Variants in FAM168A observed in about 807,000 individuals in gnomAD.
FAM168A encodes protein FAM168A.
FAM168A carries 3 observed loss-of-function variants against 28.5 expected under a neutral mutation model. That is an observed-to-expected ratio of 0.11 (90% CI 0.05 to 0.27). The LOEUF is 0.27. Ranked by LOEUF, FAM168A falls within the 10% of genes least tolerant of loss-of-function variation. The pLI is 1.00. For missense variants in FAM168A, 222 were observed against 311.5 expected (o/e 0.71, Z 2.16); for synonymous variants, 122 against 124.2 (o/e 0.98, Z 0.12).
At chr11:73,521,562 T>C (rs1943377827) in intron 1 of FAM168A, among the ~76,000 whole-genome samples, 1 of 152,228 alleles carries the variant, frequency 6.6e-6, no homozygotes, top group South Asian at 2.1e-4. Context: ...AGGGGATAAC[T>C]GCTCCTAATT....
intron 1 of FAM168A, among the ~76,000 whole-genome samples, chr11:73,549,544 TA>T (rs1353914159): frequency 6.6e-6 from 1 of 152,186 alleles, no homozygotes; most frequent in Non-Finnish European, 1.5e-5. Context: ...GCGCTATGTC[TA>T]AATTCTGTGT....
At chr11:73,497,798 T>C (rs551478806) in intron 1 of FAM168A, among the ~76,000 whole-genome samples, 2 of 152,136 alleles carry the variant, frequency 1.3e-5, no homozygotes, top group South Asian at 4.2e-4. Flanking sequence ...AAATACCTAA[T>C]GTAAATGACA....
intron 3 of FAM168A, 43 bp downstream of exon 3, chr11:73,430,647 C>G (rs1041005724): frequency 1.1e-5 from 17 of 1,562,412 alleles, no homozygotes; most frequent in Middle Eastern, 1.9e-4. Flanking sequence ...ATAGAGTCCC[C>G]CTTCCCACTC....
chr11:73,430,318 G>A (rs1216726580), intron 3 of FAM168A: 1 of 282,814 alleles, frequency 3.5e-6, no homozygotes, highest in East Asian at 1.1e-4. Flanking sequence ...AGGGGTGTGT[G>A]GGTGTGTGTG....
At chr11:73,567,716 G>C (rs1043452552) in intron 1 of FAM168A, among the ~76,000 whole-genome samples, 3 of 152,046 alleles carry the variant, frequency 2.0e-5, no homozygotes, top group African/African-American at 4.8e-5. Context: ...TTGACATATA[G>C]CTCACTTTTT....
chr11:73,429,274 A>G (rs1866942398), intron 3 of FAM168A, among the ~76,000 whole-genome samples: 1 of 152,202 alleles, frequency 6.6e-6, no homozygotes, highest in Non-Finnish European at 1.5e-5. Context: ...GAGATCTGCC[A>G]AAGATTCTAG....
At chr11:73,544,326 G>A (rs942291432) in intron 1 of FAM168A, among the ~76,000 whole-genome samples, 8 of 152,104 alleles carry the variant, frequency 5.3e-5, no homozygotes, top group African/African-American at 9.7e-5. Flanking sequence ...TTCATACACT[G>A]TTGGTAGGAA....
chr11:73,431,316 T>C (rs1156865487), intron 2 of FAM168A, among the ~76,000 whole-genome samples: 1 of 152,096 alleles, frequency 6.6e-6, no homozygotes, highest in Non-Finnish European at 1.5e-5. Context: ...CACTCTAGCC[T>C]GGGCGACAGA....
intron 1 of FAM168A, among the ~76,000 whole-genome samples, chr11:73,527,348 T>C (rs1379977155): frequency 6.6e-6 from 1 of 152,184 alleles, no homozygotes; most frequent in African/African-American, 2.4e-5. Flanking sequence ...TGAGTATGTA[T>C]TAAGCCCTGA....
At chr11:73,457,746 A>AAAAAAAAAAAG (rs1555022721) in intron 2 of FAM168A, among the ~76,000 whole-genome samples, 83 of 138,364 alleles carry the variant, frequency 6.0e-4, no homozygotes, top group African/African-American at 2.4e-3. Context: ...AAAAAAAAAA[A>AAAAAAAAAAAG]AAAAGAAAAG....
At chr11:73,553,603 G>T (rs1407532927) in intron 1 of FAM168A, among the ~76,000 whole-genome samples, 1 of 152,100 alleles carries the variant, frequency 6.6e-6, no homozygotes, top group African/African-American at 2.4e-5. Context: ...CTTTCTAGCG[G>T]GTAGTCACTC....
intron 1 of FAM168A, among the ~76,000 whole-genome samples, chr11:73,547,582 A>G (rs888972782): frequency 3.3e-5 from 5 of 152,182 alleles, no homozygotes; most frequent in Admixed American, 2.6e-4. Flanking sequence ...GGGTCGCTTG[A>G]GCCCAGGAGT....
intron 3 of FAM168A, chr11:73,425,184 A>G (rs1866866899): frequency 1.6e-6 from 1 of 611,230 alleles, no homozygotes; most frequent in Admixed American, 3.4e-5. Context: ...ATAAAGATGT[A>G]AAACACCTTT....
intron 1 of FAM168A, among the ~76,000 whole-genome samples, chr11:73,567,025 A>G (rs2134713829): frequency 6.6e-6 from 1 of 152,320 alleles, no homozygotes; most frequent in South Asian, 2.1e-4. Flanking sequence ...TTAAGTCCCA[A>G]GGATTGCAAG....
intron 3 of FAM168A, among the ~76,000 whole-genome samples, chr11:73,423,355 C>G (rs1225569365): frequency 6.6e-6 from 1 of 152,118 alleles, no homozygotes; most frequent in South Asian, 2.1e-4. Flanking sequence ...TCATAAAACC[C>G]CCTTTCTTGA....
intron 2 of FAM168A, among the ~76,000 whole-genome samples, chr11:73,457,813 T>C (rs530308804): frequency 3.3e-5 from 5 of 151,620 alleles, no homozygotes; most frequent in Admixed American, 2.6e-4. Flanking sequence ...ACATATACTT[T>C]AGCATAATAA....
At chr11:73,530,684 C>A (rs1037899822) in intron 1 of FAM168A, among the ~76,000 whole-genome samples, 1 of 152,154 alleles carries the variant, frequency 6.6e-6, no homozygotes, top group South Asian at 2.1e-4. Flanking sequence ...TCTTTTATCT[C>A]TTTTAAGTAG....
chr11:73,571,252 AGTCTCCCTCTCCCTCTCTTTCCACG>A (rs1944084877), intron 1 of FAM168A, among the ~76,000 whole-genome samples: 1 of 16,580 alleles, frequency 6.0e-5, no homozygotes. Context: ...CCCTCCCCAC[AGTCTCCCTCTCCCTCTCTTTCCACG>A]GTCTCCCTCT....
intron 2 of FAM168A, among the ~76,000 whole-genome samples, chr11:73,466,860 G>T (rs1450948527): frequency 1.3e-5 from 2 of 152,092 alleles, no homozygotes; most frequent in Non-Finnish European, 2.9e-5. Context: ...CACTCAAAGG[G>T]CTTGCTTTTT....
Sources: allele counts gnomAD v4.1 joint callset (sites outside exome capture counted in the v4.1 genomes callset), GRCh38; gene constraint gnomAD v4.1.1; transcripts MANE v1.5; gene names NCBI Gene and HGNC (gene_info 2026-07-23, HGNC 2026-07-21).